The following BBS4 variants were observed in gnomAD, a reference collection of about 807,000 sequenced individuals.
BBS4 encodes the protein Bardet-Biedl syndrome 4.
BBS4 carries 58 observed loss-of-function variants against 71.4 expected under a neutral mutation model. The ratio of observed to expected loss-of-function variants is 0.81; its 90% CI spans 0.66 to 1.01. The LOEUF is 1.01. Among genes scored for constraint, BBS4 ranks in the 50% least tolerant of loss-of-function variants. The probability of loss-of-function intolerance (pLI) is 0.00; values close to 1 mark genes in which losing one functional copy is unlikely to be tolerated. For synonymous variants in BBS4, 228 were observed against 216.8 expected (o/e 1.05, Z -0.46); for missense variants, 660 against 607.9 (o/e 1.09, Z -0.90).
At chr15:72,732,378 A>G (rs753288348) in intron 12 of BBS4, among the ~76,000 whole-genome samples, 4 of 152,222 alleles carry the variant, frequency 2.6e-5, no homozygotes, top group Admixed American at 1.3e-4. Context: ...GATCATAAAA[A>G]TAAGTTAAAA....
chr15:72,736,238 C>CT (rs35502034), intron 14 of BBS4, among the ~76,000 whole-genome samples: 10,464 of 113,454 alleles, frequency 0.092, 906 homozygotes, highest in African/African-American at 0.18. Context: ...TTCTATTTCA[C>CT]TTTTTTTTTT....
chr15:72,737,845 T>C lies in BBS4; in HGVS notation c.*258T>C, dbSNP rs1284937294. On this transcript the variant is annotated 3_prime_UTR_variant, in exon 16 of 16. Coordinates refer to ENST00000268057, the MANE Select transcript of BBS4 (RefSeq NM_033028.5). ...TCCTTTAAGAACTGGCAGCAAGGCT[T>C]GAGGCCTTATGTATGTAGCTGAGTC... The C allele has an allele frequency of 4.0e-6, 2 of 502,390 alleles. No individual in the cohort carries two copies. Among genetic ancestry groups the C allele is most frequent in the Non-Finnish European group, 7.7e-6 (2 of 258,344 alleles). 31.1% of individuals were successfully genotyped at this position (502,390 alleles called of 1,614,324 possible). A position where few individuals can be genotyped will look rare whatever the true frequency, so the allele number is the denominator to read the frequency against.
chr15:72,735,451 T>A (rs1409924322), intron 13 of BBS4: 1 of 531,632 alleles, frequency 1.9e-6, no homozygotes, highest in Non-Finnish European at 3.4e-6. Flanking sequence ...GGGTTGCTGA[T>A]AGCTATGGGC....
chr15:72,736,476 G>A lies in BBS4; in HGVS notation c.1249-286G>A, dbSNP rs982970307. 1.5e-4 allele frequency among the ~76,000 whole-genome samples: 23 copies of A among 151,982 alleles called. 1 individual carries two copies. Among genetic ancestry groups the A allele is most frequent in the Non-Finnish European group, 1.0e-4 (7 of 68,002 alleles). On this transcript the variant is annotated intron_variant, in intron 14 of 15. Coordinates refer to ENST00000268057, the MANE Select transcript of BBS4 (RefSeq NM_033028.5). ...AGGATGGTCTTGATCTCTTGACCTC[G>A]TGATCCACGTGCCCAGCCCTATTTC...
intron 3 of BBS4, 99 bp from the exon 4 acceptor site, chr15:72,712,145 G>A (rs2065384081): frequency 9.3e-7 from 1 of 1,078,398 alleles, no homozygotes; most frequent in Non-Finnish European, 1.4e-6. Flanking sequence ...GGGATTACAA[G>A]CATGAGCCAC....
chr15:72,701,516 T>C (rs1359965281), intron 2 of BBS4, among the ~76,000 whole-genome samples: 4 of 152,170 alleles, frequency 2.6e-5, no homozygotes, highest in African/African-American at 9.7e-5. Context: ...CAGTGAATAC[T>C]AGCAAGCAAT....
At chr15:72,737,286 T>G (rs78297633) in intron 15 of BBS4, among the ~76,000 whole-genome samples, 192 bp from the exon 16 acceptor site, 4,777 of 152,318 alleles carry the variant, frequency 0.031, 69 homozygotes, top group Non-Finnish European at 0.038. Flanking sequence ...ACGTAAATAT[T>G]TTTCAGTGAC....
At chr15:72,706,941 A>G (rs2065273941) in intron 2 of BBS4, among the ~76,000 whole-genome samples, 1 of 152,010 alleles carries the variant, frequency 6.6e-6, no homozygotes, top group Admixed American at 6.6e-5. Context: ...TCAGCCTCCC[A>G]AAGCGCTGGG....
chr15:72,687,014 T>A (rs991203915), intron 1 of BBS4, among the ~76,000 whole-genome samples: 3 of 152,154 alleles, frequency 2.0e-5, no homozygotes, highest in African/African-American at 4.8e-5. Context: ...TAGTTTTGGC[T>A]AAGCAGCAAG....
Position 72,724,616 on chromosome 15 carries a change from A to G in BBS4, c.548A>G (p.Asp183Gly), listed in dbSNP as rs751216768. 25 of 1,614,146 alleles carry G rather than the reference A, an allele frequency of 1.5e-5. No individual in the cohort carries two copies. Among genetic ancestry groups the G allele is most frequent in the Non-Finnish European group, 1.9e-5 (23 of 1,179,984 alleles). The change falls in exon 8 of 16, where the codon GAC (aspartate) becomes GGC (glycine). Residue 183 changes from aspartate (D) to glycine (G), a missense_variant. Physicochemically the swap from Asp to Gly is moderately conservative, Grantham distance 94. Coordinates refer to ENST00000268057, the MANE Select transcript of BBS4 (RefSeq NM_033028.5). ...MLGKIHLLEG[D>G]LDKAIEVYKK... ...GGGAAGATCCACTTGCTGGAGGGAG[A>G]CTTGGACAAGGCCATTGAAGTCTAC...
chr15:72,709,793 A>T lies in BBS4; in HGVS notation c.156+14A>T. The T allele has an allele frequency of 6.2e-7, 1 of 1,605,840 alleles. No homozygotes were observed. Among genetic ancestry groups the T allele is most frequent in the Non-Finnish European group, 8.5e-7 (1 of 1,173,104 alleles). ...GAAGCCTGCAAGGTAAGAGATTGCCATAATAATAAAAATGAGAGGCAGGAT... is the reference window on the plus strand; with the variant it reads ...GAAGCCTGCAAGGTAAGAGATTGCCTTAATAATAAAAATGAGAGGCAGGAT... On this transcript the variant is annotated intron_variant, in intron 3 of 15. Transcript: ENST00000268057.
intron 6 of BBS4, chr15:72,717,393 G>A (rs1278469403): frequency 6.5e-6 from 1 of 153,806 alleles, no homozygotes; most frequent in Admixed American, 6.5e-5. Context: ...CATGAAACAA[G>A]ATGTCCAGGT....
chr15:72,728,907 C>A (rs905924568), intron 9 of BBS4, among the ~76,000 whole-genome samples: 21 of 152,246 alleles, frequency 1.4e-4, no homozygotes, highest in African/African-American at 4.8e-4. Flanking sequence ...TTTCATTTTT[C>A]TTTAAAAGGA....
At chr15:72,725,719 CCTTCCCCCTTTTCT>C (rs1220543523) in intron 8 of BBS4, among the ~76,000 whole-genome samples, 1 of 120,552 alleles carries the variant, frequency 8.3e-6, no homozygotes, top group Non-Finnish European at 1.7e-5. Context: ...CCCCGTTTTC[CCTTCCCCCTTTTCT>C]CTTCCCCCTT....
chr15:72,731,661 T>A lies in BBS4; in HGVS notation c.971T>A (p.Phe324Tyr). 1 of 1,614,222 alleles carries A rather than the reference T, an allele frequency of 6.2e-7. No homozygotes were observed. Among genetic ancestry groups the A allele is most frequent in the East Asian group, 2.2e-5 (1 of 44,882 alleles). ...HLTMQQYASA[F>Y]HFLSAAINFQ... Reference sequence around the variant, plus strand: ...ACCATGCAGCAGTATGCATCAGCTTTTCATTTTCTCAGTGCGGCCATCAAC... The same window carrying A: ...ACCATGCAGCAGTATGCATCAGCTTATCATTTTCTCAGTGCGGCCATCAAC... The change falls in exon 12 of 16, where the codon TTT (phenylalanine) becomes TAT (tyrosine). Residue 324 changes from phenylalanine (F) to tyrosine (Y), a missense_variant. Phe to Tyr is a conservative substitution (Grantham distance 22, BLOSUM62 3). Coordinates refer to ENST00000268057, the MANE Select transcript of BBS4 (RefSeq NM_033028.5).
intron 4 of BBS4, among the ~76,000 whole-genome samples, chr15:72,714,218 T>C (rs976287855): frequency 5.7e-5 from 7 of 121,848 alleles, no homozygotes; most frequent in East Asian, 2.6e-4. Context: ...ACCACTCACT[T>C]ACTTTTTTTT....
In BBS4 at chr15:72,737,934, C is replaced by CCTTA; in HGVS notation, c.*348_*351dup. On this transcript the variant is annotated 3_prime_UTR_variant, in exon 16 of 16. Coordinates refer to ENST00000268057, the MANE Select transcript of BBS4 (RefSeq NM_033028.5). ...TTCTCTCCTAGCTGACTGACTCCTT[C>CCTTA]CTTAGTTCAAGGAACAGCTGAGACA... is the stretch of plus-strand genomic sequence containing the variant. 2.2e-6 allele frequency: 1 copy of CCTTA among 456,070 alleles called. No individual in the cohort carries two copies. Among genetic ancestry groups the CCTTA allele is most frequent in the Non-Finnish European group, 4.4e-6 (1 of 228,160 alleles). 28.3% of individuals were successfully genotyped at this position (456,070 alleles called of 1,614,324 possible).
chr15:72,700,306 A>G (rs1401327011), intron 2 of BBS4, among the ~76,000 whole-genome samples: 2 of 152,168 alleles, frequency 1.3e-5, no homozygotes, highest in Non-Finnish European at 2.9e-5. Flanking sequence ...ATAAGTGCCT[A>G]GGGAGTGGAA....
chr15:72,728,888 T>C (rs2065752531), intron 9 of BBS4, among the ~76,000 whole-genome samples: 1 of 152,090 alleles, frequency 6.6e-6, no homozygotes, highest in Non-Finnish European at 1.5e-5. Context: ...GTGGTGGCCT[T>C]TATGTCTATT....
Sources: gnomAD v4.1 joint callset for allele counts (sites outside exome capture counted in the v4.1 genomes callset) on GRCh38, gnomAD v4.1.1 for gene constraint, MANE v1.5 for transcripts, NCBI Gene and HGNC (gene_info 2026-07-23, HGNC 2026-07-21) for gene names.